The following CBFA2T2 variants were observed in gnomAD, a reference collection of about 807,000 sequenced individuals.
CBFA2T2 encodes the protein CBFA2/RUNX1 partner transcriptional co-repressor 2, also known as protein CBFA2T2.
CBFA2T2 carries 11 observed loss-of-function variants against 62.2 expected under a neutral mutation model. The observed-to-expected ratio is 0.18, with a 90% confidence interval of 0.11 to 0.29. CBFA2T2 has a LOEUF of 0.29. Ranked by LOEUF, CBFA2T2 falls within the 10% of genes least tolerant of loss-of-function variation. The pLI is 1.00. For missense variants in CBFA2T2, 592 were observed against 774.1 expected, an observed-to-expected ratio of 0.76 and a Z score of 2.79; for synonymous variants, 295 against 287.5, an observed-to-expected ratio of 1.03 and a Z score of -0.27.
intron 1 of CBFA2T2, among the ~76,000 whole-genome samples, chr20:33,576,701 A>G (rs1359929653): frequency 1.3e-5 from 2 of 152,284 alleles, no homozygotes; most frequent in African/African-American, 4.8e-5. Flanking sequence ...GGCGCCAGCA[A>G]GGCAGACAGC....
At chr20:33,595,210 C>G (rs2014832489) in intron 1 of CBFA2T2, among the ~76,000 whole-genome samples, 1 of 152,148 alleles carries the variant, frequency 6.6e-6, no homozygotes, top group African/African-American at 2.4e-5. Context: ...ATATCTTACA[C>G]TTGAAAAAAT....
intron 1 of CBFA2T2, among the ~76,000 whole-genome samples, chr20:33,579,917 C>G (rs1388483382): frequency 6.6e-6 from 1 of 151,716 alleles, no homozygotes; most frequent in Admixed American, 6.6e-5. Flanking sequence ...CATGTTCAAG[C>G]AATTCTCCTG....
chr20:33,563,942 C>T (rs1387154396), intron 1 of CBFA2T2, among the ~76,000 whole-genome samples: 1 of 151,940 alleles, frequency 6.6e-6, no homozygotes, highest in Non-Finnish European at 1.5e-5. Context: ...CAAACTATAC[C>T]AGAACAGAAG....
intron 1 of CBFA2T2, among the ~76,000 whole-genome samples, chr20:33,575,082 A>G (rs2013761199): frequency 6.6e-6 from 1 of 152,216 alleles, no homozygotes; most frequent in South Asian, 2.1e-4. Context: ...ATGAAAAAGT[A>G]AATTTGGGGA....
intron 1 of CBFA2T2, among the ~76,000 whole-genome samples, chr20:33,517,443 TTTTTTGGTG>T (rs954379431): frequency 8.7e-5 from 13 of 149,264 alleles, no homozygotes; most frequent in East Asian, 1.9e-4. Flanking sequence ...TTTTTTTGGT[TTTTTTGGTG>T]TTTTTTTTTT....
chr20:33,499,795 C>T (rs745575973), intron 1 of CBFA2T2, among the ~76,000 whole-genome samples: 29 of 151,466 alleles, frequency 1.9e-4, no homozygotes, highest in Non-Finnish European at 3.1e-4. Flanking sequence ...AAATCCTGGG[C>T]GACAGAGTGA....
chr20:33,592,877 C>A (rs1385927920), intron 1 of CBFA2T2, among the ~76,000 whole-genome samples: 1 of 152,072 alleles, frequency 6.6e-6, no homozygotes, highest in Non-Finnish European at 1.5e-5. Flanking sequence ...ACTCCATTAA[C>A]CTCTATAAAG....
At chr20:33,490,564 G>A (rs2011139216) in intron 1 of CBFA2T2, among the ~76,000 whole-genome samples, 1 of 152,194 alleles carries the variant, frequency 6.6e-6, no homozygotes, top group Non-Finnish European at 1.5e-5. Flanking sequence ...ACTTAGGCCG[G>A]GCCGGCGTCC....
chr20:33,597,445 G>A (rs141824989), intron 1 of CBFA2T2, among the ~76,000 whole-genome samples: 16 of 152,252 alleles, frequency 1.1e-4, no homozygotes, highest in African/African-American at 3.1e-4. Flanking sequence ...GCTGCATACC[G>A]GTATGGATCT....
chr20:33,513,923 T>G (rs1386169274), intron 1 of CBFA2T2, among the ~76,000 whole-genome samples: 1 of 151,382 alleles, frequency 6.6e-6, no homozygotes, highest in Non-Finnish European at 1.5e-5. Flanking sequence ...TGTTGTTGTT[T>G]TGAGAGGGGG....
chr20:33,588,896 C>T (rs866064221), intron 1 of CBFA2T2, among the ~76,000 whole-genome samples: 7 of 152,084 alleles, frequency 4.6e-5, no homozygotes, highest in Middle Eastern at 3.4e-3. Flanking sequence ...GAGCCATGAT[C>T]GCGCCACTGC....
intron 7 of CBFA2T2, among the ~76,000 whole-genome samples, chr20:33,629,509 T>A (rs1020239011): frequency 6.6e-6 from 1 of 152,240 alleles, no homozygotes; most frequent in African/African-American, 2.4e-5. Flanking sequence ...CTGGTAGTTA[T>A]TGTCCTCTTT....
At chr20:33,575,744 C>T (rs2013792133) in intron 1 of CBFA2T2, among the ~76,000 whole-genome samples, 1 of 152,038 alleles carries the variant, frequency 6.6e-6, no homozygotes. Flanking sequence ...TCACCTGTGG[C>T]ACAATATGAC....
intron 1 of CBFA2T2, among the ~76,000 whole-genome samples, chr20:33,564,435 T>G (rs756324229): frequency 1.3e-4 from 19 of 151,930 alleles, no homozygotes; most frequent in Middle Eastern, 6.8e-3. Context: ...TTTTTGTATT[T>G]TTAGTAGAGA....
At position 33,585,934 on chromosome 20, in the gene CBFA2T2, A is replaced by G. The variant is rs566385958; in HGVS notation, c.35-21022A>G. 2.0e-5 allele frequency among the ~76,000 whole-genome samples: 3 copies of G among 152,330 alleles called. No individual in the cohort carries two copies. In the East Asian group the frequency reaches 5.8e-4, roughly 29 times the overall value. On this transcript the variant is annotated intron_variant, in intron 1 of 10. Transcript: ENST00000342704. ...TTATATTAAAACCTTAGCCGTGGTAAATTGAAAGTTAACTTTTGAAGCAAA... is the reference window on the plus strand; with the variant it reads ...TTATATTAAAACCTTAGCCGTGGTAGATTGAAAGTTAACTTTTGAAGCAAA...
chr20:33,568,553 C>A (rs1029059620), intron 1 of CBFA2T2, among the ~76,000 whole-genome samples: 3 of 152,124 alleles, frequency 2.0e-5, no homozygotes, highest in Admixed American at 1.3e-4. Flanking sequence ...CCTCTGCTGC[C>A]GGCGGGCGCG....
At chr20:33,569,555 T>C (rs754802120) in intron 1 of CBFA2T2, among the ~76,000 whole-genome samples, 1 of 152,222 alleles carries the variant, frequency 6.6e-6, no homozygotes, top group Non-Finnish European at 1.5e-5. Context: ...CCAAAGTTGT[T>C]ATTGACTCCT....
intron 1 of CBFA2T2, among the ~76,000 whole-genome samples, chr20:33,533,208 A>G (rs2146871240): frequency 6.6e-6 from 1 of 152,354 alleles, no homozygotes; most frequent in South Asian, 2.1e-4. Context: ...TACCTGTGAA[A>G]TGATCACTGC....
chr20:33,614,356 A>G (rs771926372), intron 3 of CBFA2T2, among the ~76,000 whole-genome samples: 1 of 152,176 alleles, frequency 6.6e-6, no homozygotes, highest in African/African-American at 2.4e-5. Context: ...GCCATTGTGT[A>G]TTTAGAGCCT....
Sources: gnomAD v4.1 joint callset for allele counts (sites outside exome capture counted in the v4.1 genomes callset) on GRCh38, gnomAD v4.1.1 for gene constraint, MANE v1.5 for transcripts, NCBI Gene and HGNC (gene_info 2026-07-23, HGNC 2026-07-21) for gene names.